MOB1B: variants seen among roughly 807,000 people sequenced by gnomAD.
The protein encoded by MOB1B is MOB1 Mps One Binder homolog B.
MOB1B carries 19 observed loss-of-function variants against 24.4 expected under a neutral mutation model. The observed-to-expected ratio is 0.78, with a 90% confidence interval of 0.54 to 1.14. The LOEUF (loss-of-function observed/expected upper bound fraction) is 1.14. Among genes scored for constraint, MOB1B ranks in the 50% most tolerant of loss-of-function variants. The pLI, the probability that MOB1B is intolerant of heterozygous loss-of-function variation, is 0.00. For missense variants in MOB1B, 243 were observed against 259.6 expected (o/e 0.94, Z 0.44); for synonymous variants, 76 against 82.1 (o/e 0.93, Z 0.40).
intron 1 of MOB1B, among the ~76,000 whole-genome samples, chr4:70,934,294 C>G (rs1442866072): frequency 1.3e-5 from 2 of 151,560 alleles, no homozygotes; most frequent in African/African-American, 4.9e-5. Context: ...CCATGTTGGC[C>G]AGGTTGGTCT....
In MOB1B at chr4:70,985,168, T is replaced by G. The variant is rs1157331408; in HGVS notation, c.*3111T>G. 6.6e-6 allele frequency: 1 copy of G among 152,234 alleles called. No individual in the cohort carries two copies. The highest frequency in any genetic ancestry group is 2.4e-5 in the African/African-American group (1 of 41,470). 9.4% of individuals were successfully genotyped at this position (152,234 alleles called of 1,614,324 possible). On this transcript the variant is annotated 3_prime_UTR_variant, in exon 6 of 6. Transcript: ENST00000309395. Reference sequence around the variant, plus strand: ...TATATATTAGCATTTTCCTTGCTTATGGGAAAATAGCAAAACAACATTTCA... The same window carrying G: ...TATATATTAGCATTTTCCTTGCTTAGGGGAAAATAGCAAAACAACATTTCA...
At chr4:70,968,089 C>T (rs545142645) in intron 2 of MOB1B, among the ~76,000 whole-genome samples, 10 of 152,276 alleles carry the variant, frequency 6.6e-5, no homozygotes, top group African/African-American at 2.2e-4. Flanking sequence ...TCAAGTGATC[C>T]TCCCCAGGCC....
intron 1 of MOB1B, among the ~76,000 whole-genome samples, chr4:70,932,046 C>T (rs943263625): frequency 2.0e-5 from 3 of 152,072 alleles, no homozygotes; most frequent in Non-Finnish European, 4.4e-5. Context: ...CTGCTCTTTT[C>T]GCAGTTTCTT....
intron 1 of MOB1B, among the ~76,000 whole-genome samples, chr4:70,911,610 G>A (rs1253946370): frequency 1.3e-5 from 2 of 151,830 alleles, no homozygotes; most frequent in Non-Finnish European, 2.9e-5. Flanking sequence ...CAAAATAATT[G>A]CCATTTGGTT....
chr4:70,940,974 G>A (rs530123621), intron 1 of MOB1B, among the ~76,000 whole-genome samples: 4 of 152,168 alleles, frequency 2.6e-5, no homozygotes, highest in Admixed American at 2.6e-4. Context: ...CGCCCGGCCC[G>A]GCATTAAATA....
chr4:70,950,615 G>A, intron 1 of MOB1B: 1 of 596,776 alleles, frequency 1.7e-6, no homozygotes, highest in Non-Finnish European at 2.9e-6. Flanking sequence ...GATTAAATGA[G>A]ATATATTGCA....
intron 1 of MOB1B, 54 bp from the exon 2 acceptor site, chr4:70,958,820 A>G (rs74799113): frequency 0.022 from 32,044 of 1,471,786 alleles, 1,048 homozygotes; most frequent in East Asian, 0.16. Context: ...GAATGACTCT[A>G]TTGAATGTCA....
chr4:70,985,166 T>C lies in MOB1B; in HGVS notation c.*3109T>C, dbSNP rs999896092. The C allele has an allele frequency of 2.6e-5, 4 of 152,230 alleles. No homozygotes were observed. Among genetic ancestry groups the C allele is most frequent in the African/African-American group, 9.6e-5 (4 of 41,466 alleles). 9.4% of individuals were successfully genotyped at this position (152,230 alleles called of 1,614,324 possible). ...TTTATATATTAGCATTTTCCTTGCTTATGGGAAAATAGCAAAACAACATTT... is the reference window on the plus strand; with the variant it reads ...TTTATATATTAGCATTTTCCTTGCTCATGGGAAAATAGCAAAACAACATTT... On this transcript the variant is annotated 3_prime_UTR_variant, in exon 6 of 6. Transcript: ENST00000309395.
chr4:70,909,180 A>T (rs1264139104), intron 1 of MOB1B, among the ~76,000 whole-genome samples: 1 of 151,582 alleles, frequency 6.6e-6, no homozygotes, highest in Non-Finnish European at 1.5e-5. Context: ...TTCTCTCTAG[A>T]CTCATGATAG....
At chr4:70,944,420 A>G (rs900403238) in intron 1 of MOB1B, among the ~76,000 whole-genome samples, 7 of 152,132 alleles carry the variant, frequency 4.6e-5, no homozygotes, top group African/African-American at 1.4e-4. Flanking sequence ...TTTCTCTACC[A>G]TGACTGATCA....
chr4:70,961,459 C>T (rs1045919808), intron 2 of MOB1B, among the ~76,000 whole-genome samples: 1 of 152,140 alleles, frequency 6.6e-6, no homozygotes, highest in African/African-American at 2.4e-5. Flanking sequence ...TGAAATTTTC[C>T]ATTTAATATT....
intron 1 of MOB1B, chr4:70,950,733 G>C (rs2148889730): frequency 2.0e-6 from 3 of 1,532,278 alleles, no homozygotes; most frequent in Non-Finnish European, 2.6e-6. Context: ...GGAACTTTCA[G>C]TTAACAAGTA....
At chr4:70,977,440 GT>G (rs542550902) in intron 4 of MOB1B, among the ~76,000 whole-genome samples, 1 of 152,188 alleles carries the variant, frequency 6.6e-6, no homozygotes, top group Non-Finnish European at 1.5e-5. Flanking sequence ...AATATTGGCT[GT>G]TTTACCAATC....
chr4:70,909,066 A>C (rs1735875630), intron 1 of MOB1B, among the ~76,000 whole-genome samples: 1 of 151,762 alleles, frequency 6.6e-6, no homozygotes, highest in African/African-American at 2.4e-5. Context: ...AAAAAAAAAA[A>C]ATTAGCAATT....
intron 1 of MOB1B, among the ~76,000 whole-genome samples, chr4:70,931,786 A>G (rs1279756995): frequency 2.0e-5 from 3 of 152,146 alleles, no homozygotes; most frequent in Non-Finnish European, 4.4e-5. Flanking sequence ...GCTGGAGTGC[A>G]GTGGGGCGAT....
chr4:70,910,240 C>T (rs771295812), intron 1 of MOB1B, among the ~76,000 whole-genome samples: 4 of 151,836 alleles, frequency 2.6e-5, no homozygotes, highest in Admixed American at 1.3e-4. Flanking sequence ...GGGGTTTTGC[C>T]GTGTTGGCCA....
chr4:70,975,193 C>A lies in MOB1B; in HGVS notation c.316C>A (p.Pro106Thr). 6.2e-7 allele frequency: 1 copy of A among 1,610,582 alleles called. No homozygotes were observed. The highest frequency in any genetic ancestry group is 8.5e-7 in the Non-Finnish European group (1 of 1,178,756). ...GGCAGATGGAACGAACATAAAGAAA[C>A]CTATTAAGTGCTCTGCACCAAAGTA... ...HWADGTNIKK[P>T]IKCSAPKYID... The change falls in exon 4 of 6, where the codon CCT (proline) becomes ACT (threonine). Residue 106 changes from proline to threonine, a missense_variant. By Grantham distance (38) the Pro-to-Thr change is conservative (BLOSUM62 -1). Coordinates refer to ENST00000309395, the MANE Select transcript of MOB1B (RefSeq NM_173468.4).
chr4:70,977,070 C>CT (rs1341147357), intron 4 of MOB1B, among the ~76,000 whole-genome samples: 1 of 151,864 alleles, frequency 6.6e-6, no homozygotes, highest in Non-Finnish European at 1.5e-5. Flanking sequence ...CCTTTAAAAA[C>CT]TTTAATATGT....
chr4:70,902,880 G>T (rs1735574506), intron 1 of MOB1B, among the ~76,000 whole-genome samples: 1 of 152,164 alleles, frequency 6.6e-6, no homozygotes, highest in African/African-American at 2.4e-5. Context: ...TGCGCTTCTC[G>T]TGGGTATCTC....
Sources: allele counts gnomAD v4.1 joint callset (sites outside exome capture counted in the v4.1 genomes callset), GRCh38; gene constraint gnomAD v4.1.1; transcripts MANE v1.5; gene names NCBI Gene and HGNC (gene_info 2026-07-23, HGNC 2026-07-21).